LTB: variants seen among roughly 807,000 people sequenced by gnomAD.
LTB encodes lymphotoxin-beta.
LTB carries 17 observed loss-of-function variants against 14.7 expected under a neutral mutation model. That is an observed-to-expected ratio of 1.16 (90% CI 0.79 to 1.73). The LOEUF (loss-of-function observed/expected upper bound fraction) is 1.73. Ranked by LOEUF, LTB falls within the 40% of genes most tolerant of loss-of-function variation. LTB has a pLI of 0.00. For missense variants in LTB, 288 were observed against 324.3 expected (o/e 0.89, Z 0.86); for synonymous variants, 163 against 157.3 (o/e 1.04, Z -0.27).
chr6:31,581,668 A>C (rs1771527029), intron 2 of LTB, 38 bp from the exon 3 acceptor site: 1 of 1,605,074 alleles, frequency 6.2e-7, no homozygotes, highest in Admixed American at 1.7e-5. Context: ...GGGGCAGGGC[A>C]GCCACCCATG....
At chr6:31,581,686 CCCTT>C in intron 2 of LTB, 56 bp from the exon 3 acceptor site, 1 of 1,600,566 alleles carries the variant, frequency 6.2e-7, no homozygotes, top group Middle Eastern at 1.7e-4. Flanking sequence ...ATGCAGGCTA[CCCTT>C]GAGAGAACAG....
At chr6:31,582,055 G>A (rs535812294) in intron 1 of LTB, 196 bp from the exon 2 acceptor site, 5 of 756,162 alleles carry the variant, frequency 6.6e-6, no homozygotes, top group Middle Eastern at 2.4e-4. Flanking sequence ...GAAGAGGAGA[G>A]GAGACACAAG....
rs1323043737 is a variant in LTB at position 31,582,274 on chromosome 6, G to A, written c.144C>T (p.Pro48=). 1 of 1,612,966 alleles carries A rather than the reference G, an allele frequency of 6.2e-7. No individual in the cohort carries two copies. Among genetic ancestry groups the A allele is most frequent in the Non-Finnish European group, 8.5e-7 (1 of 1,179,976 alleles). ...ITVLAVLALV[P]QDQGGLVTET... ...CACTCACCAGTCCTCCCTGATCCTG[G>A]GGCACTAAGGCCAGCACAGCCAGGA... Residue 48 remains proline (P), a synonymous_variant, in exon 1 of 4, where the codon CCC becomes CCT. Transcript: ENST00000429299.
At chr6:31,581,663 A>T (rs1771526399) in intron 2 of LTB, 33 bp from the exon 3 acceptor site, 5 of 1,608,232 alleles carry the variant, frequency 3.1e-6, no homozygotes, top group African/African-American at 1.3e-5. Flanking sequence ...GATTGGGGGC[A>T]GGGCAGCCAC....
chr6:31,582,008 G>T (rs149833445), intron 1 of LTB, 149 bp from the exon 2 acceptor site: 7 of 865,962 alleles, frequency 8.1e-6, no homozygotes, highest in African/African-American at 3.4e-5. Flanking sequence ...AACAAGCAAG[G>T]CATAGGTACT....
In LTB at chr6:31,581,824, C is replaced by T. The variant is rs775344697; in HGVS notation, c.198G>A (p.Gln66=). The T allele has an allele frequency of 1.9e-6, 3 of 1,607,530 alleles. No homozygotes were observed. The highest frequency in any genetic ancestry group is 1.7e-6 in the Non-Finnish European group (2 of 1,177,674). The change falls in exon 2 of 4, where the codon CAG becomes CAA. Residue 66 remains glutamine, a synonymous_variant. Transcript: ENST00000429299. The part of the protein sequence containing the change: ...TETADPGAQA[Q]QGLGFQKLPE... The stretch of plus-strand genomic sequence containing the variant: ...ACAGTCTGCTCTTACCCAGTCCTTG[C>T]TGGGCCTGTGCCCCGGGGTCGGCCG...
chr6:31,581,920 C>G (rs1051153399), intron 1 of LTB, 61 bp from the exon 2 acceptor site: 2 of 1,501,700 alleles, frequency 1.3e-6, no homozygotes, highest in South Asian at 1.3e-5. Flanking sequence ...CCCTACCCCT[C>G]TGAAAGTGGA....
intron 1 of LTB, 36 bp from the exon 2 acceptor site, chr6:31,581,895 T>C (rs139528542): frequency 1.3e-6 from 2 of 1,553,288 alleles, no homozygotes; most frequent in Admixed American, 2.0e-5. Flanking sequence ...AGAGTTCAGA[T>C]TCAGCTCATG....
chr6:31,581,748 G>T, intron 2 of LTB, 66 bp downstream of exon 2: 1 of 1,605,458 alleles, frequency 6.2e-7, no homozygotes, highest in Non-Finnish European at 8.5e-7. Flanking sequence ...GGTATCTGGG[G>T]ACGCAGCAGG....
At chr6:31,581,370 T>C (rs2150394019) in intron 3 of LTB, among the ~76,000 whole-genome samples, 189 bp downstream of exon 3, 2 of 152,152 alleles carry the variant, frequency 1.3e-5, no homozygotes, top group African/African-American at 4.8e-5. Flanking sequence ...CCAGGCCGGC[T>C]TTTGCTTGCA....
rs1230550673 is a variant in LTB, at chr6:31,580,904, C to T, written c.540G>A (p.Glu180=). Residue 180 remains glutamate, a synonymous_variant, in exon 4 of 4, where the codon GAG becomes GAA. Coordinates refer to ENST00000429299, the MANE Select transcript of LTB (RefSeq NM_002341.2). The surrounding 1 kb of genome is among the most constrained non-coding windows in gnomAD (Gnocchi z 6.6). Reference sequence around the variant, plus strand: ...GCACTGGAGTCACCGTCTCGGCGCCCTCGAGCAGCAGCTCGGGAGTGCCCG... The same window carrying T: ...GCACTGGAGTCACCGTCTCGGCGCCTTCGAGCAGCAGCTCGGGAGTGCCCG... ...YGPGTPELLL[E]GAETVTPVLD... 1 of 1,595,392 alleles carries T rather than the reference C, an allele frequency of 6.3e-7. No homozygotes were observed. Among genetic ancestry groups the T allele is most frequent in the African/African-American group, 1.3e-5 (1 of 74,394 alleles).
chr6:31,582,013 G>T (rs543196679), intron 1 of LTB, 154 bp from the exon 2 acceptor site: 2 of 849,364 alleles, frequency 2.4e-6, no homozygotes, highest in Admixed American at 5.4e-5. Flanking sequence ...GCAAGGCATA[G>T]GTACTTGGGC....
intron 1 of LTB, 176 bp from the exon 2 acceptor site, chr6:31,582,035 T>C (rs552426688): frequency 5.2e-6 from 4 of 775,078 alleles, no homozygotes; most frequent in East Asian, 2.6e-5. Context: ...GAGAAACAGA[T>C]GTACCTCGGG....
At chr6:31,581,718 C>T (rs1771532405) in intron 2 of LTB, 88 bp from the exon 3 acceptor site, 6 of 1,598,706 alleles carry the variant, frequency 3.8e-6, no homozygotes, top group African/African-American at 1.3e-5. Flanking sequence ...GGATGGGGAG[C>T]CTGGATTCCT....
rs561522036 is a variant in LTB at position 31,581,805 on chromosome 6, T to C, written c.208+9A>G. On this transcript the variant is annotated intron_variant, in intron 2 of 3. Coordinates refer to ENST00000429299, the MANE Select transcript of LTB (RefSeq NM_002341.2). ...CTGAAGCGGGGAAGGAGAGACAGTC[T>C]GCTCTTACCCAGTCCTTGCTGGGCC... 6.2e-7 allele frequency: 1 copy of C among 1,612,014 alleles called. No individual in the cohort carries two copies. Among genetic ancestry groups the C allele is most frequent in the Non-Finnish European group, 8.5e-7 (1 of 1,179,564 alleles).
At chr6:31,581,891 C>T (rs773170624) in intron 1 of LTB, 32 bp from the exon 2 acceptor site, 1 of 1,556,694 alleles carries the variant, frequency 6.4e-7, no homozygotes, top group Middle Eastern at 1.7e-4. Context: ...GCCCAGAGTT[C>T]AGATTCAGCT....
At chr6:31,582,108 A>G in intron 1 of LTB, 148 bp downstream of exon 1, 1 of 962,414 alleles carries the variant, frequency 1.0e-6, no homozygotes, top group South Asian at 1.5e-5. Context: ...AGGAACATGG[A>G]AAGAGAGTCA....
At position 31,580,910 on chromosome 6, in the gene LTB, C is replaced by A; in HGVS notation, c.534G>T (p.Leu178=). Residue 178 remains leucine, a synonymous_variant, in exon 4 of 4, where the codon CTG becomes CTT. Coordinates refer to ENST00000429299, the MANE Select transcript of LTB (RefSeq NM_002341.2). This position sits in a 1 kb window ranked among gnomAD's most constrained non-coding sequence, Gnocchi z 6.6. The part of the protein sequence containing the change: ...GAYGPGTPEL[L]LEGAETVTPV... ...GAGTCACCGTCTCGGCGCCCTCGAG[C>A]AGCAGCTCGGGAGTGCCCGGCCCGT... 6.3e-7 allele frequency: 1 copy of A among 1,592,704 alleles called. No individual in the cohort carries two copies. Among genetic ancestry groups the A allele is most frequent in the African/African-American group, 1.3e-5 (1 of 74,442 alleles).
At chr6:31,581,424 T>C (rs1583056786) in intron 3 of LTB, 135 bp downstream of exon 3, 1 of 897,056 alleles carries the variant, frequency 1.1e-6, no homozygotes, top group East Asian at 2.4e-5. Context: ...AGCGTAAGAG[T>C]GGGCACGAGC....
Sources: gnomAD v4.1 joint callset for allele counts (sites outside exome capture counted in the v4.1 genomes callset) on GRCh38, gnomAD v4.1.1 for gene constraint, Gnocchi (gnomAD v3.1) non-coding constraint, MANE v1.5 for transcripts, NCBI Gene and HGNC (gene_info 2026-07-23, HGNC 2026-07-21) for gene names.